The following SIAH1 variants were observed in gnomAD, a reference collection of about 807,000 sequenced individuals.
SIAH1 encodes the protein E3 ubiquitin-protein ligase SIAH1.
SIAH1 carries 2 observed loss-of-function variants against 20.0 expected under a neutral mutation model. That is an observed-to-expected ratio of 0.10 (90% CI 0.04 to 0.31). The LOEUF is 0.31. SIAH1 is among the 10% of genes least tolerant of loss of function. The pLI is 1.00. For missense variants in SIAH1, 119 were observed against 355.3 expected, an observed-to-expected ratio of 0.33 and a Z score of 5.35; for synonymous variants, 118 against 125.3, an observed-to-expected ratio of 0.94 and a Z score of 0.39.
intron 1 of SIAH1, among the ~76,000 whole-genome samples, chr16:48,382,259 T>G (rs1367963307): frequency 6.6e-6 from 1 of 152,064 alleles, no homozygotes; most frequent in Non-Finnish European, 1.5e-5. Flanking sequence ...TGATGGCACA[T>G]GCTCCTAGTC....
intron 1 of SIAH1, among the ~76,000 whole-genome samples, chr16:48,370,633 C>T (rs530818708): frequency 1.3e-5 from 2 of 151,866 alleles, no homozygotes; most frequent in African/African-American, 4.8e-5. Flanking sequence ...AGTGAAACCC[C>T]GTCTCTACTA....
intron 1 of SIAH1, among the ~76,000 whole-genome samples, chr16:48,369,932 G>C (rs762089594): frequency 2.0e-5 from 3 of 152,332 alleles, no homozygotes; most frequent in African/African-American, 4.8e-5. Flanking sequence ...AAAGGATTAC[G>C]TAAGTGATTA....
Position 48,361,265 on chromosome 16 carries a change from TC to T in SIAH1, c.*314del. 3.5e-6 allele frequency: 1 copy of T among 287,190 alleles called. No homozygotes were observed. Among genetic ancestry groups the T allele is most frequent in the South Asian group, 3.8e-5 (1 of 26,508 alleles). 17.8% of individuals were successfully genotyped at this position (287,190 alleles called of 1,614,324 possible). A position where few individuals can be genotyped will look rare whatever the true frequency, so the allele number is the denominator to read the frequency against. ...CACTCCCACGCAAAAACAAACTTTT[TC>T]AACAATACAATCAATCTACAACAAA... On this transcript the variant is annotated 3_prime_UTR_variant, in exon 2 of 2. Transcript: ENST00000394725.
chr16:48,362,333 G>T lies in SIAH1; in HGVS notation c.96C>A (p.Asn32Lys). ...ACTCAAAAAGACTCGCCAAGTCATT[G>T]TTGGATGCAGTTGTGCCAGTCAGGG... Reference protein sequence around the residue: ...VPALTGTTASNNDLASLFECP... With the variant: ...VPALTGTTASKNDLASLFECP... Residue 32 changes from asparagine (N) to lysine (K), a missense_variant, in exon 2 of 2, where the codon AAC (asparagine) becomes AAA (lysine). Asn to Lys is a moderately conservative substitution (Grantham distance 94). Coordinates refer to ENST00000394725, the MANE Select transcript of SIAH1 (RefSeq NM_003031.4). This position sits in a 1 kb window ranked among gnomAD's most constrained non-coding sequence, Gnocchi z 4.2. 1.2e-6 allele frequency: 2 copies of T among 1,614,214 alleles called. No individual in the cohort carries two copies. Among genetic ancestry groups the T allele is most frequent in the Non-Finnish European group, 1.7e-6 (2 of 1,180,042 alleles).
At chr16:48,380,443 T>A (rs1427341436) in intron 1 of SIAH1, among the ~76,000 whole-genome samples, 3 of 150,400 alleles carry the variant, frequency 2.0e-5, no homozygotes, top group African/African-American at 7.4e-5. Context: ...AGAGTAAGAC[T>A]CTGTCTCCAA....
intron 1 of SIAH1, among the ~76,000 whole-genome samples, chr16:48,384,966 C>A (rs1322655042): frequency 6.8e-6 from 1 of 146,028 alleles, no homozygotes; most frequent in African/African-American, 2.5e-5. Flanking sequence ...CCCGCCGGGC[C>A]CGGGGCTCCA....
chr16:48,367,768 C>T (rs1960879408), intron 1 of SIAH1, among the ~76,000 whole-genome samples: 1 of 151,314 alleles, frequency 6.6e-6, no homozygotes, highest in Admixed American at 6.6e-5. Flanking sequence ...TAATTCTCAA[C>T]TAGGTAGAAT....
intron 1 of SIAH1, among the ~76,000 whole-genome samples, chr16:48,374,685 G>A (rs928145116): frequency 6.6e-6 from 1 of 152,174 alleles, no homozygotes; most frequent in Non-Finnish European, 1.5e-5. Flanking sequence ...CAAGGAATGT[G>A]AGGTAGCATT....
intron 1 of SIAH1, chr16:48,365,249 C>A: frequency 1.2e-6 from 1 of 833,092 alleles, no homozygotes; most frequent in Non-Finnish European, 1.8e-6. Context: ...AAAAGAACAG[C>A]AGCCCAAATG....
intron 1 of SIAH1, among the ~76,000 whole-genome samples, chr16:48,380,983 C>T (rs935713601): frequency 4.1e-5 from 6 of 145,708 alleles, no homozygotes; most frequent in Non-Finnish European, 6.0e-5. Context: ...GCTCCAAATC[C>T]GGCCGAGGAT....
In SIAH1 at chr16:48,361,736, C is replaced by T. The variant is rs1960608000; in HGVS notation, c.693G>A (p.Arg231=). The T allele has an allele frequency of 6.2e-7, 1 of 1,614,034 alleles. No homozygotes were observed. The highest frequency in any genetic ancestry group is 8.5e-7 in the Non-Finnish European group (1 of 1,180,042). Residue 231 remains arginine, a synonymous_variant, in exon 2 of 2, where the codon AGG becomes AGA. Coordinates refer to ENST00000394725, the MANE Select transcript of SIAH1 (RefSeq NM_003031.4). Reference sequence around the variant, plus strand: ...GAGTCGCTTCCCAAGTCAATCGTCGCCTATGACCATTTAGCTCAAGTCGGT... The same window carrying T: ...GAGTCGCTTCCCAAGTCAATCGTCGTCTATGACCATTTAGCTCAAGTCGGT... ...FAYRLELNGH[R]RRLTWEATPR...
intron 1 of SIAH1, among the ~76,000 whole-genome samples, chr16:48,368,251 CTA>C (rs1323208929): frequency 2.6e-5 from 4 of 152,176 alleles, no homozygotes; most frequent in Admixed American, 2.0e-4. Context: ...AATCAGTTAC[CTA>C]TATGAGGATA....
rs1178855196 is a variant in SIAH1, at chr16:48,385,283, G to A, written c.-82C>T. 6.7e-6 allele frequency: 2 copies of A among 299,740 alleles called. No homozygotes were observed. Among genetic ancestry groups the A allele is most frequent in the Non-Finnish European group, 1.4e-5 (2 of 140,196 alleles). The allele number at this position is 299,740 out of a possible 1,614,324, so 18.6% of individuals were successfully genotyped here. ...GCCAACCCCCGCCACCGCGGGCAGC[G>A]CCACCGCCTCTTCCCGGCGCCGAGA... On this transcript the variant is annotated 5_prime_UTR_variant, in exon 1 of 2. Transcript: ENST00000394725.
intron 1 of SIAH1, among the ~76,000 whole-genome samples, chr16:48,371,343 A>T (rs771841080): frequency 1.3e-5 from 2 of 152,146 alleles, no homozygotes; most frequent in Non-Finnish European, 2.9e-5. Flanking sequence ...GAATAACCCT[A>T]AAAAAATCAT....
At position 48,362,372 on chromosome 16, in the gene SIAH1, G is replaced by C. The variant is rs779762711; in HGVS notation, c.57C>G (p.Ser19=). The C allele has an allele frequency of 6.2e-7, 1 of 1,614,138 alleles. No homozygotes were observed. The highest frequency in any genetic ancestry group is 8.5e-7 in the Non-Finnish European group (1 of 1,180,016). Residue 19 remains serine, a synonymous_variant, in exon 2 of 2, where the codon TCC becomes TCG. Transcript: ENST00000394725. This position sits in a 1 kb window ranked among gnomAD's most constrained non-coding sequence, Gnocchi z 4.2. The stretch of plus-strand genomic sequence containing the variant: ...TGCCAGTCAGGGCAGGCACCCTCTG[G>C]GATGGTGGACACTTCGAGGTACCGG... ...LPTGTSKCPP[S]QRVPALTGTT... is the part of the protein sequence containing the mutation.
Position 48,361,083 on chromosome 16 carries a change from A to G in SIAH1, c.*497T>C, listed in dbSNP as rs1960565914. On this transcript the variant is annotated 3_prime_UTR_variant, in exon 2 of 2. Coordinates refer to ENST00000394725, the MANE Select transcript of SIAH1 (RefSeq NM_003031.4). ...AAAAGTCAAATTTATTTAATGAAAA[A>G]CTAAAATTAATAAAAATTAGCAAAT... The G allele has an allele frequency of 6.5e-6, 1 of 152,774 alleles. No individual in the cohort carries two copies. The highest frequency in any genetic ancestry group is 1.5e-5 in the Non-Finnish European group (1 of 68,198). 9.5% of individuals were successfully genotyped at this position (152,774 alleles called of 1,614,324 possible).
At chr16:48,374,356 G>A (rs928113848) in intron 1 of SIAH1, among the ~76,000 whole-genome samples, 1 of 152,140 alleles carries the variant, frequency 6.6e-6, no homozygotes, top group African/African-American at 2.4e-5. Context: ...AAGTCAGAAA[G>A]CAACAGAACA....
chr16:48,384,508 G>A (rs1961387414), intron 1 of SIAH1, among the ~76,000 whole-genome samples: 1 of 152,192 alleles, frequency 6.6e-6, no homozygotes, highest in Non-Finnish European at 1.5e-5. Context: ...TAATAAGCTA[G>A]AGCTTCCCCG....
chr16:48,369,998 C>A (rs902297803), intron 1 of SIAH1, among the ~76,000 whole-genome samples: 7 of 152,252 alleles, frequency 4.6e-5, no homozygotes, highest in Non-Finnish European at 8.8e-5. Context: ...AGCTTACAAT[C>A]CTGGTCACAA....
Sources: allele counts gnomAD v4.1 joint callset (sites outside exome capture counted in the v4.1 genomes callset), GRCh38; gene constraint gnomAD v4.1.1; non-coding constraint Gnocchi (gnomAD v3.1); transcripts MANE v1.5; gene names NCBI Gene and HGNC (gene_info 2026-07-23, HGNC 2026-07-21).